Variants in ACSS1 observed in about 807,000 individuals in gnomAD.
ACSS1 encodes acyl-CoA synthetase short chain family member 1.
In ACSS1, 42 loss-of-function variants were observed where a neutral mutation model predicts 75.3. The observed-to-expected ratio is 0.56, with a 90% CI of 0.44 to 0.72. The LOEUF (loss-of-function observed/expected upper bound fraction) is 0.72, where lower values mean the gene tolerates loss of function less well. Ranked by LOEUF, ACSS1 falls within the 30% of genes least tolerant of loss-of-function variation. ACSS1 has a pLI of 0.00. For synonymous variants in ACSS1, 380 were observed against 376.8 expected (o/e 1.01, Z -0.10); for missense variants, 782 against 935.7 (o/e 0.84, Z 2.14).
intron 2 of ACSS1, among the ~76,000 whole-genome samples, chr20:25,043,178 C>A (rs2089032784): frequency 6.6e-6 from 1 of 152,184 alleles, no homozygotes; most frequent in Non-Finnish European, 1.5e-5. Flanking sequence ...CCTGCCTTCG[C>A]CACACTTCCC....
chr20:25,020,734 C>T (rs1411079090), intron 6 of ACSS1, among the ~76,000 whole-genome samples: 1 of 152,276 alleles, frequency 6.6e-6, no homozygotes, highest in African/African-American at 2.4e-5. Context: ...TCCTTGAGCA[C>T]ACCCAGCCCC....
chr20:25,035,834 A>G (rs573528753), intron 2 of ACSS1, among the ~76,000 whole-genome samples: 25 of 152,362 alleles, frequency 1.6e-4, no homozygotes, highest in African/African-American at 5.5e-4. Flanking sequence ...ATGTTGTTCA[A>G]GTAAGTGATC....
At position 25,006,779 on chromosome 20, in the gene ACSS1, C is replaced by T. The variant is rs895999299; in HGVS notation, c.*983G>A. The T allele has an allele frequency of 1.2e-5, 18 of 1,494,882 alleles. No homozygotes were observed. In the Middle Eastern group the frequency reaches 5.2e-4, roughly 43 times the overall value. 92.6% of individuals were successfully genotyped at this position (1,494,882 alleles called of 1,614,324 possible). On this transcript the variant is annotated 3_prime_UTR_variant, in exon 14 of 14. Coordinates refer to ENST00000323482, the MANE Select transcript of ACSS1 (RefSeq NM_032501.4). The stretch of plus-strand genomic sequence containing the variant: ...CTGGATCCAGACCTCCAAGTCTCAT[C>T]ATTGGACCTCAGTGGTTCTCACCGC...
chr20:25,041,822 C>A (rs1250756056), intron 2 of ACSS1, among the ~76,000 whole-genome samples: 1 of 152,212 alleles, frequency 6.6e-6, no homozygotes, highest in African/African-American at 2.4e-5. Flanking sequence ...AAGACCAGAG[C>A]CTGTTAGTTA....
At chr20:25,020,931 C>G (rs901652066) in intron 6 of ACSS1, among the ~76,000 whole-genome samples, 7 of 152,266 alleles carry the variant, frequency 4.6e-5, no homozygotes, top group Non-Finnish European at 8.8e-5. Flanking sequence ...ACCTTGTCTT[C>G]AAAGTGATCT....
intron 2 of ACSS1, among the ~76,000 whole-genome samples, chr20:25,034,996 C>T (rs944997528): frequency 1.1e-4 from 17 of 152,008 alleles, no homozygotes; most frequent in Non-Finnish European, 1.8e-4. Context: ...GGGTTCATGC[C>T]ATTCTCCTGC....
chr20:25,045,236 A>G (rs569137183), intron 2 of ACSS1, among the ~76,000 whole-genome samples: 1 of 152,214 alleles, frequency 6.6e-6, no homozygotes, highest in African/African-American at 2.4e-5. Flanking sequence ...AGGGAGCTGC[A>G]CAAGGTCACA....
chr20:25,006,961 A>G lies in ACSS1; in HGVS notation c.*801T>C. On this transcript the variant is annotated 3_prime_UTR_variant, in exon 14 of 14. Coordinates refer to ENST00000323482, the MANE Select transcript of ACSS1 (RefSeq NM_032501.4). Reference sequence around the variant, plus strand: ...CTATCAAGAGGCATCTGGGGGCACAAAAATCTTTCTGGATCACAGCTTGAA... The same window carrying G: ...CTATCAAGAGGCATCTGGGGGCACAGAAATCTTTCTGGATCACAGCTTGAA... 3.3e-6 allele frequency: 5 copies of G among 1,535,250 alleles called. No individual in the cohort carries two copies. Among genetic ancestry groups the G allele is most frequent in the African/African-American group, 1.4e-5 (1 of 73,152 alleles).
rs567752317 is a variant in ACSS1 at position 25,032,367 on chromosome 20, G to T, written c.432-1409C>A. The T allele has an allele frequency of 1.6e-5, 22 of 1,355,186 alleles. No homozygotes were observed. In the African/African-American group the frequency reaches 3.1e-4, roughly 19 times the overall value. 83.9% of individuals were successfully genotyped at this position (1,355,186 alleles called of 1,614,324 possible). A position where few individuals can be genotyped will look rare whatever the true frequency, so the allele number is the denominator to read the frequency against. On this transcript the variant is annotated intron_variant, in intron 2 of 13. Coordinates refer to ENST00000323482, the MANE Select transcript of ACSS1 (RefSeq NM_032501.4). ...GGGAGCAGGCGAGAGCCGCCAACTT[G>T]CCGGCCATGCGGTGCGAAGTGGAGG...
chr20:25,057,357 T>C (rs1255346558), intron 1 of ACSS1, among the ~76,000 whole-genome samples: 2 of 152,104 alleles, frequency 1.3e-5, no homozygotes, highest in Non-Finnish European at 2.9e-5. Flanking sequence ...TGTTTTTCCC[T>C]CCACCCCGGT....
chr20:25,023,344 T>C, intron 4 of ACSS1, 122 bp downstream of exon 4: 1 of 1,242,818 alleles, frequency 8.0e-7, no homozygotes, highest in South Asian at 1.4e-5. Flanking sequence ...GCTCACCAAA[T>C]ACCACAGAGG....
intron 2 of ACSS1, among the ~76,000 whole-genome samples, chr20:25,042,694 C>T (rs375062591): frequency 2.0e-5 from 3 of 152,126 alleles, no homozygotes; most frequent in Non-Finnish European, 2.9e-5. Flanking sequence ...AGCTGATGTA[C>T]GTGTCCTCCC....
intron 2 of ACSS1, among the ~76,000 whole-genome samples, chr20:25,044,550 C>G (rs1378851513): frequency 6.6e-6 from 1 of 152,140 alleles, no homozygotes; most frequent in Non-Finnish European, 1.5e-5. Context: ...GAGGTCAAGG[C>G]TACAGTGAGT....
At position 25,007,413 on chromosome 20, in the gene ACSS1, T is replaced by C; in HGVS notation, c.*349A>G. On this transcript the variant is annotated 3_prime_UTR_variant, in exon 14 of 14. Transcript: ENST00000323482. ...ACGGTTGCTACTAGCTAACTAGCTC[T>C]GTGTTATCTGAGCAGGCGCGCTATC... 8.8e-7 allele frequency: 1 copy of C among 1,136,564 alleles called. No homozygotes were observed. The highest frequency in any genetic ancestry group is 1.1e-6 in the Non-Finnish European group (1 of 924,192). 70.4% of individuals were successfully genotyped at this position (1,136,564 alleles called of 1,614,324 possible).
At chr20:25,051,048 C>G (rs1490148992) in intron 1 of ACSS1, among the ~76,000 whole-genome samples, 1 of 152,222 alleles carries the variant, frequency 6.6e-6, no homozygotes, top group Non-Finnish European at 1.5e-5. Context: ...AATGACCTGC[C>G]TCTCCCTGCT....
chr20:25,021,769 C>T (rs1329785486), intron 5 of ACSS1, among the ~76,000 whole-genome samples: 1 of 152,138 alleles, frequency 6.6e-6, no homozygotes, highest in African/African-American at 2.4e-5. Context: ...TTTTTAAACC[C>T]CTTAAGAACT....
rs148611812 is a variant in ACSS1 at position 25,027,906 on chromosome 20, A to G, written c.631+2853T>C. Among the ~76,000 whole-genome samples the G allele has an allele frequency of 2.2e-3, 340 of 152,262 alleles. 1 individual carries two copies. The highest frequency in any genetic ancestry group is 7.9e-3 in the African/African-American group (327 of 41,554). Reference sequence around the variant, plus strand: ...AATCCACAAAAAAACTATTTATTAGAGCTAATAAATCATTAAATTTGCAAT... The same window carrying G: ...AATCCACAAAAAAACTATTTATTAGGGCTAATAAATCATTAAATTTGCAAT... On this transcript the variant is annotated intron_variant, in intron 3 of 13. Transcript: ENST00000323482.
Position 25,045,444 on chromosome 20 carries a change from T to G in ACSS1, c.431+2641A>C, listed in dbSNP as rs6106987. 1.6e-3 allele frequency among the ~76,000 whole-genome samples: 244 copies of G among 152,048 alleles called. 8 individuals carry two copies. The East Asian group carries it at 0.042, about 26-fold the overall frequency. On this transcript the variant is annotated intron_variant, in intron 2 of 13. Transcript: ENST00000323482. ...CCTAAGGTCACGGTGGGGACCAGAG[T>G]CGGGAGGTTTCCCTTGCCAGGTCAC...
intron 2 of ACSS1, among the ~76,000 whole-genome samples, chr20:25,041,314 C>T (rs557752487): frequency 1.6e-4 from 25 of 151,948 alleles, no homozygotes; most frequent in African/African-American, 5.3e-4. Flanking sequence ...CAAAAGCATG[C>T]AGCTTTTTCA....
Sources: allele counts gnomAD v4.1 joint callset (sites outside exome capture counted in the v4.1 genomes callset), GRCh38; gene constraint gnomAD v4.1.1; transcripts MANE v1.5; gene names NCBI Gene and HGNC (gene_info 2026-07-23, HGNC 2026-07-21).